Variants in COBL observed in about 807,000 individuals in gnomAD.
COBL encodes the protein protein cordon-bleu.
COBL carries 51 observed loss-of-function variants against 98.8 expected under a neutral mutation model. The observed-to-expected ratio is 0.52, with a 90% CI of 0.41 to 0.65. The LOEUF (loss-of-function observed/expected upper bound fraction) is 0.65, where lower values mean the gene tolerates loss of function less well. Ranked by LOEUF, COBL falls within the 30% of genes least tolerant of loss-of-function variation. COBL has a pLI of 0.00. For missense variants in COBL, 1,617 were observed against 1,617.5 expected, an observed-to-expected ratio of 1.00 and a Z score of 0.01; for synonymous variants, 634 against 651.7, an observed-to-expected ratio of 0.97 and a Z score of 0.41.
intron 5 of COBL, among the ~76,000 whole-genome samples, chr7:51,160,207 A>C (rs933312732): frequency 6.6e-6 from 1 of 152,222 alleles, no homozygotes; most frequent in African/African-American, 2.4e-5. Flanking sequence ...TTAATGGTCA[A>C]ATAGGTATGG....
chr7:51,135,043 AC>A (rs1350690862), intron 6 of COBL, among the ~76,000 whole-genome samples: 1 of 151,954 alleles, frequency 6.6e-6, no homozygotes, highest in East Asian at 1.9e-4. Flanking sequence ...GCTCACTGCA[AC>A]CTCTGCCTCC....
chr7:51,086,912 TA>T (rs1443484188), intron 6 of COBL, among the ~76,000 whole-genome samples: 2 of 151,986 alleles, frequency 1.3e-5, no homozygotes, highest in Non-Finnish European at 2.9e-5. Context: ...AGAAAGTAAA[TA>T]ACCCCATAAA....
At chr7:51,087,349 A>C (rs972069898) in intron 6 of COBL, among the ~76,000 whole-genome samples, 1 of 152,150 alleles carries the variant, frequency 6.6e-6, no homozygotes, top group Non-Finnish European at 1.5e-5. Flanking sequence ...CAATTTCTAA[A>C]TTACCTTTTT....
chr7:51,288,108 C>T (rs1375990378), intron 1 of COBL, among the ~76,000 whole-genome samples: 1 of 152,134 alleles, frequency 6.6e-6, no homozygotes, highest in African/African-American at 2.4e-5. Context: ...GTCAACTGGA[C>T]TCCATTTTGG....
chr7:51,087,833 C>A (rs1280397739), intron 6 of COBL, among the ~76,000 whole-genome samples: 2 of 147,632 alleles, frequency 1.4e-5, no homozygotes, highest in Admixed American at 1.4e-4. Flanking sequence ...CAGTTTCCAG[C>A]AACTTTCTGA....
At chr7:51,073,593 T>C (rs951127799) in intron 7 of COBL, among the ~76,000 whole-genome samples, 1 of 152,192 alleles carries the variant, frequency 6.6e-6, no homozygotes, top group Admixed American at 6.5e-5. Flanking sequence ...CCAACAGATA[T>C]GATTCTGCCT....
chr7:51,128,637 T>A (rs1232303725), intron 6 of COBL, among the ~76,000 whole-genome samples: 1 of 152,234 alleles, frequency 6.6e-6, no homozygotes, highest in Admixed American at 6.5e-5. Flanking sequence ...CACTGTGTGA[T>A]AAGTGGCAAT....
At chr7:51,168,141 G>A (rs1349009822) in intron 5 of COBL, among the ~76,000 whole-genome samples, 1 of 152,104 alleles carries the variant, frequency 6.6e-6, no homozygotes, top group Non-Finnish European at 1.5e-5. Context: ...GATAATAGGA[G>A]AAAACACTTG....
At chr7:51,054,524 C>A (rs1034854219) in intron 7 of COBL, among the ~76,000 whole-genome samples, 3 of 152,130 alleles carry the variant, frequency 2.0e-5, no homozygotes, top group Non-Finnish European at 2.9e-5. Flanking sequence ...GACTGCCTGG[C>A]CTGGAGAGGA....
At position 51,316,730 on chromosome 7, in the gene COBL, G is replaced by C; in HGVS notation, c.-97C>G. The C allele has an allele frequency of 1.0e-6, 1 of 991,326 alleles. No individual in the cohort carries two copies. Among genetic ancestry groups the C allele is most frequent in the Non-Finnish European group, 1.3e-6 (1 of 779,368 alleles). The allele number at this position is 991,326 out of a possible 1,614,324, so 61.4% of individuals were successfully genotyped here. A position where few individuals can be genotyped will look rare whatever the true frequency, so the allele number is the denominator to read the frequency against. The stretch of plus-strand genomic sequence containing the variant: ...TGCCGCCCTCATTCACTTTTTCCGC[G>C]CTGACCCATCGTCCTCCCACGCGGG... On this transcript the variant is annotated 5_prime_UTR_variant, in exon 1 of 13. Coordinates refer to ENST00000265136, the MANE Select transcript of COBL (RefSeq NM_015198.5).
At chr7:51,092,560 T>C (rs542471832) in intron 6 of COBL, among the ~76,000 whole-genome samples, 1 of 152,338 alleles carries the variant, frequency 6.6e-6, no homozygotes, top group East Asian at 1.9e-4. Flanking sequence ...TTGTGTGTTC[T>C]TGATACCTTT....
chr7:51,253,676 C>CA (rs2129140008), intron 1 of COBL, among the ~76,000 whole-genome samples: 1 of 152,346 alleles, frequency 6.6e-6, no homozygotes, highest in South Asian at 2.1e-4. Flanking sequence ...GTACCACCTA[C>CA]AATACCTACA....
chr7:51,232,667 T>C (rs1366438703), intron 1 of COBL, among the ~76,000 whole-genome samples: 1 of 151,894 alleles, frequency 6.6e-6, no homozygotes, highest in Non-Finnish European at 1.5e-5. Context: ...AAAAATCAGC[T>C]GGGCGTGGTG....
intron 1 of COBL, among the ~76,000 whole-genome samples, chr7:51,268,358 GCT>G (rs1271658904): frequency 2.6e-5 from 4 of 152,252 alleles, no homozygotes; most frequent in African/African-American, 9.6e-5. Flanking sequence ...CTCTGCCAAA[GCT>G]CTGCCCTCTG....
At chr7:51,220,687 C>A (rs1026030372) in intron 1 of COBL, among the ~76,000 whole-genome samples, 1 of 152,168 alleles carries the variant, frequency 6.6e-6, no homozygotes, top group African/African-American at 2.4e-5. Flanking sequence ...GGTCCACGTG[C>A]AGGTAAATTG....
intron 6 of COBL, among the ~76,000 whole-genome samples, chr7:51,126,509 T>G (rs966738897): frequency 6.6e-6 from 1 of 152,182 alleles, no homozygotes; most frequent in African/African-American, 2.4e-5. Flanking sequence ...AGTGCCCTTC[T>G]TGGGTGTGCC....
At chr7:51,122,491 C>T (rs1029006276) in intron 6 of COBL, among the ~76,000 whole-genome samples, 1 of 152,172 alleles carries the variant, frequency 6.6e-6, no homozygotes, top group Admixed American at 6.5e-5. Context: ...TTCTATTTCC[C>T]CAGTATTTTT....
At chr7:51,115,829 AAT>A (rs1411649284) in intron 6 of COBL, among the ~76,000 whole-genome samples, 1 of 152,022 alleles carries the variant, frequency 6.6e-6, no homozygotes, top group Non-Finnish European at 1.5e-5. Flanking sequence ...GCTGTTCTCC[AAT>A]ATGATGGTGG....
chr7:51,266,398 G>C (rs1246472544), intron 1 of COBL, among the ~76,000 whole-genome samples: 2 of 151,954 alleles, frequency 1.3e-5, no homozygotes, highest in South Asian at 4.2e-4. Context: ...GACCAACATG[G>C]AGAAACCCCA....
Sources: gnomAD v4.1 joint callset for allele counts (sites outside exome capture counted in the v4.1 genomes callset) on GRCh38, gnomAD v4.1.1 for gene constraint, MANE v1.5 for transcripts, NCBI Gene and HGNC (gene_info 2026-07-23, HGNC 2026-07-21) for gene names.